RPS20: variants seen among roughly 807,000 people sequenced by gnomAD.
RPS20 encodes the protein ribosomal protein S20.
Under a neutral mutation model 15.3 loss-of-function variants are expected in RPS20, and 3 were observed. The ratio of observed to expected loss-of-function variants is 0.20; its 90% CI spans 0.09 to 0.51. The LOEUF (loss-of-function observed/expected upper bound fraction) is 0.51, where lower values mean the gene tolerates loss of function less well. Among genes scored for constraint, RPS20 ranks in the 20% least tolerant of loss-of-function variants. The pLI is 0.96. For synonymous variants in RPS20, 62 were observed against 47.8 expected (o/e 1.30, Z -1.23); for missense variants, 67 against 145.9 (o/e 0.46, Z 2.79).
chr8:56,071,072 T>C (rs1023286886), downstream of RPS20, among the ~76,000 whole-genome samples: 4 of 152,240 alleles, frequency 2.6e-5, no homozygotes, highest in Non-Finnish European at 5.9e-5. Context: ...TTTAGTGCTA[T>C]TTTAGCTGTA....
downstream of RPS20, among the ~76,000 whole-genome samples, chr8:56,068,807 C>CATTTTTT (rs1809678359): frequency 3.6e-5 from 1 of 27,688 alleles, no homozygotes; most frequent in Non-Finnish European, 7.1e-5. Flanking sequence ...GTGAAAATAT[C>CATTTTTT]TTTTTTTTTT....
downstream of RPS20, among the ~76,000 whole-genome samples, chr8:56,071,900 G>A (rs1374782874): frequency 6.6e-6 from 1 of 152,190 alleles, no homozygotes; most frequent in Non-Finnish European, 1.5e-5. Flanking sequence ...TAAATCTATA[G>A]AAACTTTCCC....
downstream of RPS20, among the ~76,000 whole-genome samples, chr8:56,070,622 T>C (rs1232896774): frequency 6.6e-6 from 1 of 151,978 alleles, no homozygotes; most frequent in Non-Finnish European, 1.5e-5. Flanking sequence ...TCCCAGCTAC[T>C]TGAGGTTGAG....
exon 6 of RPS20, chr8:56,067,686 A>G (rs76116453): frequency 1.3e-5 from 1 of 75,848 alleles, no homozygotes; most frequent in Non-Finnish European, 2.8e-5. Context: ...ACTCCGTCTG[A>G]AAAAAAAAAA....
chr8:56,073,629 A>T, intron 3 of RPS20, 66 bp downstream of exon 3: 1 of 1,390,200 alleles, frequency 7.2e-7, no homozygotes. Flanking sequence ...CGAACTCCTT[A>T]AAGAACCTGA....
At position 56,073,709 on chromosome 8, in the gene RPS20, G is replaced by T; in HGVS notation, c.163C>A (p.Arg55=). The change falls in exon 3 of 4, where the codon CGA becomes AGA. Residue 55 remains arginine (R), a synonymous_variant. Coordinates refer to ENST00000009589, the MANE Select transcript of RPS20 (RefSeq NM_001023.4). ...ATTTACTTTACCTTGGTAGGCATTC[G>T]AACTGGTCCTTTCACTTTGAGATTC... The part of the protein sequence containing the change: ...EKNLKVKGPV[R]MPTKTLRITT... The T allele has an allele frequency of 6.2e-7, 1 of 1,613,832 alleles. No homozygotes were observed. The highest frequency in any genetic ancestry group is 8.5e-7 in the Non-Finnish European group (1 of 1,179,792).
At chr8:56,073,022 C>A, downstream of RPS20, 2 of 1,555,436 alleles carry the variant, frequency 1.3e-6, no homozygotes, top group South Asian at 2.4e-5. Context: ...TTCCTAAAAT[C>A]TGCCAGTATT....
intron 3 of RPS20, 172 bp downstream of exon 3, chr8:56,073,523 T>A: frequency 1.5e-6 from 1 of 661,570 alleles, no homozygotes. Context: ...AATTCAACAA[T>A]CATATCTAAA....
chr8:56,073,785 A>G lies in RPS20; in HGVS notation c.104-17T>C, dbSNP rs1458205554. 1 of 1,609,908 alleles carries G rather than the reference A, an allele frequency of 6.2e-7. No homozygotes were observed. The highest frequency in any genetic ancestry group is 1.1e-5 in the South Asian group (1 of 90,984). On this transcript the variant is annotated splice_polypyrimidine_tract_variant and intron_variant, in intron 2 of 3. Coordinates refer to ENST00000009589, the MANE Select transcript of RPS20 (RefSeq NM_001023.4). ...CAGCACACACTACAGGAAATAAAAG[A>G]CCTCTCAGTATAATCGAAACAATTA...
chr8:56,069,753 C>A, downstream of RPS20: 1 of 1,551,608 alleles, frequency 6.4e-7, no homozygotes. Context: ...AAGGACATGT[C>A]CCCGGGGATT....
chr8:56,069,935 T>C, downstream of RPS20: 2 of 704,340 alleles, frequency 2.8e-6, no homozygotes, highest in East Asian at 2.7e-5. Context: ...ACTACTTACA[T>C]ACCATTTACA....
downstream of RPS20, among the ~76,000 whole-genome samples, chr8:56,068,878 A>G: frequency 8.8e-6 from 1 of 113,746 alleles, no homozygotes; most frequent in South Asian, 3.1e-4. Context: ...CCAGGCTGGA[A>G]ACCCTTGCCT....
chr8:56,070,061 T>TC (rs1366405714), downstream of RPS20, among the ~76,000 whole-genome samples: 1 of 152,136 alleles, frequency 6.6e-6, no homozygotes, highest in Admixed American at 6.6e-5. Flanking sequence ...ATTTTGGTAT[T>TC]CAAGAGAGGT....
In RPS20 at chr8:56,074,451, C is replaced by G; in HGVS notation, c.-68G>C. The G allele has an allele frequency of 6.6e-7, 1 of 1,524,672 alleles. No homozygotes were observed. Among genetic ancestry groups the G allele is most frequent in the Non-Finnish European group, 8.8e-7 (1 of 1,139,402 alleles). 94.4% of individuals were successfully genotyped at this position (1,524,672 alleles called of 1,614,324 possible). ...AGAGCGAACAGCGGTGAGTCAGGAG[C>G]AGGAGCGTGCGGACCAAAAATCCTC... On this transcript the variant is annotated 5_prime_UTR_variant, in exon 1 of 4. Transcript: ENST00000009589.
At chr8:56,074,344 C>T (rs1461762228) in intron 1 of RPS20, 37 bp downstream of exon 1, 2 of 1,549,634 alleles carry the variant, frequency 1.3e-6, no homozygotes, top group Non-Finnish European at 1.7e-6. Context: ...GCGCCCGAGC[C>T]CTGCGTTGCG....
downstream of RPS20, among the ~76,000 whole-genome samples, chr8:56,070,344 T>C (rs1809717043): frequency 6.6e-6 from 1 of 152,192 alleles, no homozygotes; most frequent in Non-Finnish European, 1.5e-5. Context: ...GAGCCATCTG[T>C]CTGACTGCAT....
At chr8:56,074,304 G>C (rs540646592) in intron 1 of RPS20, 77 bp downstream of exon 1, 8 of 1,545,014 alleles carry the variant, frequency 5.2e-6, no homozygotes, top group African/African-American at 1.4e-5. Context: ...CTGCCCTCAG[G>C]AGCACGAACT....
At chr8:56,070,345 C>CT (rs1200534796), downstream of RPS20, among the ~76,000 whole-genome samples, 1 of 152,168 alleles carries the variant, frequency 6.6e-6, no homozygotes, top group Non-Finnish European at 1.5e-5. Flanking sequence ...AGCCATCTGT[C>CT]TGACTGCATG....
At chr8:56,070,620 A>C (rs1292006026), downstream of RPS20, among the ~76,000 whole-genome samples, 1 of 151,910 alleles carries the variant, frequency 6.6e-6, no homozygotes, top group Non-Finnish European at 1.5e-5. Flanking sequence ...AGTCCCAGCT[A>C]CTTGAGGTTG....
Sources: allele counts gnomAD v4.1 joint callset (sites outside exome capture counted in the v4.1 genomes callset), GRCh38; gene constraint gnomAD v4.1.1; transcripts MANE v1.5; gene names NCBI Gene and HGNC (gene_info 2026-07-23, HGNC 2026-07-21).